NOX4: variants seen among roughly 807,000 people sequenced by gnomAD.
The protein encoded by NOX4 is NADPH oxidase 4.
A neutral mutation model predicts 87.6 loss-of-function variants in NOX4; 69 were observed. The ratio of observed to expected loss-of-function variants is 0.79; its 90% CI spans 0.65 to 0.96. The LOEUF is 0.96. NOX4 is among the 40% of genes least tolerant of loss of function. NOX4 has a pLI of 0.00. For missense variants in NOX4, 680 were observed against 681.5 expected, an observed-to-expected ratio of 1.00 and a Z score of 0.02; for synonymous variants, 275 against 238.2, an observed-to-expected ratio of 1.15 and a Z score of -1.42.
the NOX4 span, among the ~76,000 whole-genome samples, chr11:89,538,236 A>C: frequency 1.3e-5 from 2 of 152,162 alleles, no homozygotes; most frequent in African/African-American, 4.8e-5. Context: ...CACAGCCTAC[A>C]TGTAGTTGTT....
At chr11:89,386,186 G>A (rs1591081532) in intron 11 of NOX4, among the ~76,000 whole-genome samples, 2 of 152,182 alleles carry the variant, frequency 1.3e-5, no homozygotes, top group Middle Eastern at 6.8e-3. Context: ...CTCCTGTATG[G>A]ATGCTCCTTT....
At chr11:89,374,694 G>C (rs1939707265) in intron 11 of NOX4, among the ~76,000 whole-genome samples, 1 of 152,190 alleles carries the variant, frequency 6.6e-6, no homozygotes, top group East Asian at 1.9e-4. Flanking sequence ...ACATAAAATG[G>C]GTGAGAGTTG....
chr11:89,351,590 G>C (rs762551152), intron 13 of NOX4, among the ~76,000 whole-genome samples: 1 of 152,096 alleles, frequency 6.6e-6, no homozygotes, highest in Non-Finnish European at 1.5e-5. Flanking sequence ...TAATGTAGCT[G>C]GTCACTTTAA....
chr11:89,523,015 C>T, the NOX4 span, among the ~76,000 whole-genome samples: 5 of 151,136 alleles, frequency 3.3e-5, no homozygotes, highest in Admixed American at 1.3e-4. Context: ...GTACAGAACG[C>T]TTTTTTTTTC....
chr11:89,445,354 C>A (rs56282206), intron 4 of NOX4, among the ~76,000 whole-genome samples: 7,222 of 151,710 alleles, frequency 0.048, 545 homozygotes, highest in African/African-American at 0.16. Context: ...CACACACACA[C>A]ACAAAAATAA....
chr11:89,502,233 G>T (rs1367520720), upstream of NOX4, among the ~76,000 whole-genome samples: 2 of 151,964 alleles, frequency 1.3e-5, no homozygotes, highest in Non-Finnish European at 2.9e-5. Flanking sequence ...TTATCCCCTA[G>T]TCCACTTACT....
the NOX4 span, among the ~76,000 whole-genome samples, chr11:89,578,658 C>A: frequency 6.6e-6 from 1 of 152,048 alleles, no homozygotes; most frequent in East Asian, 1.9e-4. Flanking sequence ...GATTCCATAG[C>A]CACAAACAAC....
At chr11:89,329,554 A>T (rs1488474447) in intron 17 of NOX4, among the ~76,000 whole-genome samples, 1 of 151,662 alleles carries the variant, frequency 6.6e-6, no homozygotes, top group Non-Finnish European at 1.5e-5. Flanking sequence ...GGCAATTGAT[A>T]ATAAAATACT....
intron 2 of NOX4, among the ~76,000 whole-genome samples, chr11:89,453,181 C>G (rs1289305074): frequency 6.6e-6 from 1 of 152,168 alleles, no homozygotes; most frequent in East Asian, 1.9e-4. Context: ...TTTCTTCTAA[C>G]CGAAACTTTG....
rs986614214 is a variant in NOX4, at chr11:89,440,568, G to A, written c.475+120C>T. 34 of 529,820 alleles carry A rather than the reference G, an allele frequency of 6.4e-5. 1 individual carries two copies. The highest frequency in any genetic ancestry group is 5.7e-4 in the Admixed American group (14 of 24,520). The allele number at this position is 529,820 out of a possible 1,614,324, so 32.8% of individuals were successfully genotyped here. A position where few individuals can be genotyped will look rare whatever the true frequency, so the allele number is the denominator to read the frequency against. On this transcript the variant is annotated intron_variant, in intron 6 of 17. Coordinates refer to ENST00000263317, the MANE Select transcript of NOX4 (RefSeq NM_016931.5). ...TCGAGTTCCTGACCTCAGGTGATCC[G>A]CCCGCCTCAGCCTCCCAAAGTGCTG... is the stretch of plus-strand genomic sequence containing the variant.
At chr11:89,416,385 C>T (rs912916133) in intron 8 of NOX4, among the ~76,000 whole-genome samples, 3 of 152,194 alleles carry the variant, frequency 2.0e-5, no homozygotes, top group Admixed American at 6.6e-5. Context: ...CCAAGCTTTT[C>T]CCTCTGCCAC....
chr11:89,509,213 A>C, the NOX4 span, among the ~76,000 whole-genome samples: 1 of 149,760 alleles, frequency 6.7e-6, no homozygotes, highest in African/African-American at 2.5e-5. Context: ...AATATATTGG[A>C]AGTTCAAAAG....
At chr11:89,535,102 T>G in the NOX4 span, among the ~76,000 whole-genome samples, 1 of 152,188 alleles carries the variant, frequency 6.6e-6, no homozygotes, top group Non-Finnish European at 1.5e-5. Flanking sequence ...TACATTTTTT[T>G]CTTATCAGAG....
chr11:89,367,197 A>G (rs775147767), intron 12 of NOX4, among the ~76,000 whole-genome samples: 12 of 152,286 alleles, frequency 7.9e-5, no homozygotes, highest in South Asian at 2.1e-4. Context: ...ATACTTTAAG[A>G]TACAATAGGT....
chr11:89,436,452 T>G (rs1944085301), intron 6 of NOX4, among the ~76,000 whole-genome samples: 2 of 152,178 alleles, frequency 1.3e-5, no homozygotes, highest in Non-Finnish European at 2.9e-5. Flanking sequence ...TCCTGTGAAT[T>G]TTTTTAGTCC....
In NOX4 at chr11:89,394,142, C is replaced by T. The variant is rs529959663; in HGVS notation, c.1074+5875G>A. ...TTTTCCCTTTGCCTTGTGAAAAGGG[C>T]CTAGGCCTGCTGAAAGAAATTGATC... On this transcript the variant is annotated intron_variant, in intron 11 of 17. Transcript: ENST00000263317. Among the ~76,000 whole-genome samples, 25 of 152,220 alleles carry T rather than the reference C, an allele frequency of 1.6e-4. 1 individual carries two copies. The highest frequency in any genetic ancestry group is 6.0e-4 in the African/African-American group (25 of 41,562).
At chr11:89,493,722 TTA>T (rs1491045782), upstream of NOX4, among the ~76,000 whole-genome samples, 33 of 5,620 alleles carry the variant, frequency 5.9e-3, 1 homozygote, top group East Asian at 0.023. Context: ...CCAGATTGTT[TTA>T]TTATTATTAT....
chr11:89,500,710 A>G (rs1395229118), upstream of NOX4, among the ~76,000 whole-genome samples: 2 of 152,178 alleles, frequency 1.3e-5, no homozygotes, highest in Admixed American at 6.6e-5. Flanking sequence ...AGGATAATGA[A>G]AGATATTATC....
intron 13 of NOX4, 150 bp from the exon 14 acceptor site, chr11:89,342,343 G>A: frequency 5.0e-6 from 3 of 599,244 alleles, no homozygotes; most frequent in Non-Finnish European, 8.7e-6. Context: ...TAGCCTAAAG[G>A]AGTAGCAAAT....
Sources: gnomAD v4.1 joint callset for allele counts (sites outside exome capture counted in the v4.1 genomes callset) on GRCh38, gnomAD v4.1.1 for gene constraint, MANE v1.5 for transcripts, NCBI Gene and HGNC (gene_info 2026-07-23, HGNC 2026-07-21) for gene names.